TAFA4: variants seen among roughly 807,000 people sequenced by gnomAD.
TAFA4 encodes the protein TAFA chemokine like family member 4.
TAFA4 carries 20 observed loss-of-function variants against 21.1 expected under a neutral mutation model. That is an observed-to-expected ratio of 0.95 (90% CI 0.67 to 1.38). TAFA4 has a LOEUF of 1.38. Ranked by LOEUF, TAFA4 falls within the 40% of genes most tolerant of loss-of-function variation. The pLI, the probability that TAFA4 is intolerant of heterozygous loss-of-function variation, is 0.00. For synonymous variants in TAFA4, 71 were observed against 67.4 expected (o/e 1.05, Z -0.26); for missense variants, 211 against 180.9 (o/e 1.17, Z -0.95).
intron 3 of TAFA4, among the ~76,000 whole-genome samples, chr3:68,841,821 T>C (rs1704673260): frequency 6.6e-6 from 1 of 152,160 alleles, no homozygotes; most frequent in South Asian, 2.1e-4. Context: ...CTTGTGATAT[T>C]TTGCTGAGAA....
chr3:68,907,561 C>T (rs1050221708), intron 1 of TAFA4, among the ~76,000 whole-genome samples: 6 of 152,216 alleles, frequency 3.9e-5, no homozygotes, highest in Admixed American at 2.6e-4. Context: ...AGTGCAGTTA[C>T]TCAGCCTCCA....
At chr3:68,759,528 G>A (rs1575597979) in intron 3 of TAFA4, among the ~76,000 whole-genome samples, 1 of 152,116 alleles carries the variant, frequency 6.6e-6, no homozygotes, top group South Asian at 2.1e-4. Context: ...CAATAAGCCT[G>A]GTACCAGAGA....
At chr3:68,798,534 G>A (rs757097104) in intron 3 of TAFA4, among the ~76,000 whole-genome samples, 8 of 152,158 alleles carry the variant, frequency 5.3e-5, no homozygotes, top group Non-Finnish European at 1.2e-4. Flanking sequence ...ATGCATGGCA[G>A]CTGTTGAACA....
At chr3:68,873,374 A>ACACACACCCC (rs1216878409) in intron 3 of TAFA4, among the ~76,000 whole-genome samples, 1 of 140,276 alleles carries the variant, frequency 7.1e-6, no homozygotes, top group African/African-American at 2.5e-5. Flanking sequence ...ACACACACAC[A>ACACACACCCC]CACCCTGGGC....
At chr3:68,736,809 C>T (rs1375626836) in intron 5 of TAFA4, among the ~76,000 whole-genome samples, 2 of 152,154 alleles carry the variant, frequency 1.3e-5, no homozygotes, top group South Asian at 4.1e-4. Context: ...TCAAGTCACA[C>T]TGACTTAGAT....
At chr3:68,852,398 G>T (rs145993579) in intron 3 of TAFA4, among the ~76,000 whole-genome samples, 6 of 152,260 alleles carry the variant, frequency 3.9e-5, no homozygotes, top group Non-Finnish European at 7.4e-5. Context: ...CTGTGTGGAG[G>T]CCTGTGGCTG....
At chr3:68,782,675 T>C (rs1175545675) in intron 3 of TAFA4, among the ~76,000 whole-genome samples, 1 of 152,126 alleles carries the variant, frequency 6.6e-6, no homozygotes, top group Non-Finnish European at 1.5e-5. Flanking sequence ...TCCATTTATA[T>C]GAAATGACCA....
chr3:68,770,687 T>C (rs113396720), intron 3 of TAFA4, among the ~76,000 whole-genome samples: 1,686 of 152,266 alleles, frequency 0.011, 34 homozygotes, highest in African/African-American at 0.038. Context: ...ATGCCGGCTC[T>C]CAAGACCCAC....
At chr3:68,865,373 T>A (rs1271237582) in intron 3 of TAFA4, among the ~76,000 whole-genome samples, 1 of 151,990 alleles carries the variant, frequency 6.6e-6, no homozygotes, top group Non-Finnish European at 1.5e-5. Context: ...ATAATCCCCA[T>A]GTGTCATGGG....
intron 3 of TAFA4, among the ~76,000 whole-genome samples, chr3:68,874,884 C>A (rs575949385): frequency 6.6e-6 from 1 of 152,114 alleles, no homozygotes; most frequent in East Asian, 1.9e-4. Context: ...CTTGAACTTG[C>A]AGCTGAGGAG....
chr3:68,857,919 G>A (rs1705107771), intron 3 of TAFA4, among the ~76,000 whole-genome samples: 1 of 152,122 alleles, frequency 6.6e-6, no homozygotes, highest in South Asian at 2.1e-4. Flanking sequence ...CAGAGAGGTT[G>A]TAATGCCTAG....
intron 3 of TAFA4, among the ~76,000 whole-genome samples, chr3:68,849,806 C>T (rs1397798300): frequency 5.9e-5 from 9 of 152,200 alleles, no homozygotes; most frequent in Non-Finnish European, 8.8e-5. Flanking sequence ...AGTTTCTTCT[C>T]TCACAAAGGA....
chr3:68,903,012 T>A (rs930150670), intron 1 of TAFA4, among the ~76,000 whole-genome samples: 1 of 114,148 alleles, frequency 8.8e-6, no homozygotes, highest in African/African-American at 4.0e-5. Context: ...ACTGAAAAAA[T>A]TAAAAAAAAT....
chr3:68,806,262 C>G (rs919399189), intron 3 of TAFA4, among the ~76,000 whole-genome samples: 3 of 152,094 alleles, frequency 2.0e-5, no homozygotes, highest in Non-Finnish European at 4.4e-5. Context: ...TAGTTTTCCT[C>G]AAATTTACTA....
At chr3:68,864,040 T>C (rs1429437216) in intron 3 of TAFA4, among the ~76,000 whole-genome samples, 2 of 151,638 alleles carry the variant, frequency 1.3e-5, no homozygotes, top group Admixed American at 6.6e-5. Flanking sequence ...TGATCTCGGA[T>C]TGGGACAAAT....
chr3:68,839,446 A>G (rs1488586697), intron 3 of TAFA4, among the ~76,000 whole-genome samples: 1 of 152,186 alleles, frequency 6.6e-6, no homozygotes, highest in African/African-American at 2.4e-5. Context: ...AAAGTAATTC[A>G]CAATAAAATG....
intron 3 of TAFA4, among the ~76,000 whole-genome samples, chr3:68,873,377 C>CACACACACACACACACACACACACA (rs55674760): frequency 4.2e-5 from 6 of 142,292 alleles, no homozygotes; most frequent in Admixed American, 2.2e-4. Flanking sequence ...CACACACACA[C>CACACACACACACACACACACACACA]CCTGGGCCAG....
At chr3:68,759,431 A>G (rs1028998056) in intron 3 of TAFA4, among the ~76,000 whole-genome samples, 3 of 152,210 alleles carry the variant, frequency 2.0e-5, no homozygotes, top group Admixed American at 2.0e-4. Flanking sequence ...GGATGGGAGA[A>G]AAATGAAAGC....
chr3:68,809,057 A>G (rs1703770838), intron 3 of TAFA4, among the ~76,000 whole-genome samples: 2 of 152,232 alleles, frequency 1.3e-5, no homozygotes, highest in Non-Finnish European at 2.9e-5. Context: ...TGAGGCAGAG[A>G]AGGGAGGAGC....
Sources: gnomAD v4.1 joint callset for allele counts (sites outside exome capture counted in the v4.1 genomes callset) on GRCh38, gnomAD v4.1.1 for gene constraint, MANE v1.5 for transcripts, NCBI Gene and HGNC (gene_info 2026-07-23, HGNC 2026-07-21) for gene names.